Variants in TM2D3 observed in about 807,000 individuals in gnomAD.
The protein encoded by TM2D3 is TM2 domain-containing protein 3.
Under a neutral mutation model 27.3 loss-of-function variants are expected in TM2D3, and 33 were observed. The ratio of observed to expected loss-of-function variants is 1.21; its 90% CI spans 0.92 to 1.61. The LOEUF (loss-of-function observed/expected upper bound fraction) is 1.61, where lower values mean the gene tolerates loss of function less well. TM2D3 is among the 40% of genes most tolerant of loss of function. TM2D3 has a pLI of 0.00. For synonymous variants in TM2D3, 138 were observed against 122.2 expected (o/e 1.13, Z -0.85); for missense variants, 364 against 320.8 (o/e 1.13, Z -1.03).
At chr15:101,638,198 G>A (rs1255994782), downstream of TM2D3, among the ~76,000 whole-genome samples, 2 of 152,024 alleles carry the variant, frequency 1.3e-5, no homozygotes, top group Non-Finnish European at 2.9e-5. Flanking sequence ...TCTCTTCCCA[G>A]CAGCCCTTTT....
Position 101,645,399 on chromosome 15 carries a change from C to T in TM2D3, c.503-237G>A, listed in dbSNP as rs1475912839. On this transcript the variant is annotated intron_variant, in intron 4 of 5. Coordinates refer to ENST00000333202, the MANE Select transcript of TM2D3 (RefSeq NM_078474.3). ...GAAATGCTCACCCACATATCAAGAC[C>T]TACGGGGAAGTTACGAGTATATAAG... 7.5e-6 allele frequency: 4 copies of T among 530,374 alleles called. No individual in the cohort carries two copies. In the Admixed American group the frequency reaches 1.0e-4, roughly 13 times the overall value. The allele number at this position is 530,374 out of a possible 1,614,324, so 32.9% of individuals were successfully genotyped here. A position where few individuals can be genotyped will look rare whatever the true frequency, so the allele number is the denominator to read the frequency against.
chr15:101,645,429 T>C, intron 4 of TM2D3: 1 of 424,316 alleles, frequency 2.4e-6, no homozygotes, highest in Non-Finnish European at 4.2e-6. Context: ...TATAAGACAG[T>C]GTAGTCTTGA....
At chr15:101,651,809 T>C (rs1014242947) in intron 1 of TM2D3, 36 bp from the exon 2 acceptor site, 2 of 1,608,004 alleles carry the variant, frequency 1.2e-6, no homozygotes, top group African/African-American at 1.3e-5. Flanking sequence ...AGAAACACGT[T>C]ATCCCGGGAC....
At chr15:101,640,578 C>T (rs912536899), downstream of TM2D3, among the ~76,000 whole-genome samples, 1 of 152,238 alleles carries the variant, frequency 6.6e-6, no homozygotes, top group Non-Finnish European at 1.5e-5. Context: ...GGATTTGCTA[C>T]AAGAGATTGC....
chr15:101,642,470 A>T lies in TM2D3; in HGVS notation c.*9T>A. The T allele has an allele frequency of 6.3e-7, 1 of 1,599,792 alleles. No homozygotes were observed. Among genetic ancestry groups the T allele is most frequent in the Non-Finnish European group, 8.5e-7 (1 of 1,171,668 alleles). On this transcript the variant is annotated 3_prime_UTR_variant, in exon 6 of 6. Transcript: ENST00000333202. ...TAAGCCCTGCTCCTTTCTGAAGCAC[A>T]CACCACAGCTAAATGTACAAAGAGC...
In TM2D3 at chr15:101,651,739, A is replaced by T. The variant is rs1441813516; in HGVS notation, c.126T>A (p.Asp42Glu). Residue 42 changes from aspartate (D) to glutamate (E), a missense_variant, in exon 2 of 6, where the codon GAT becomes GAA. Physicochemically the swap from Asp to Glu is conservative, Grantham distance 45. Transcript: ENST00000333202. ...CTGTGAATGTGCGTGTTGGGCCCGG[A>T]TCCTTTATTGACTGAGCCAGCGCCT... ...QSQALAQSIK[D>E]PGPTRTFTVV... 6.2e-6 allele frequency: 10 copies of T among 1,614,162 alleles called. No homozygotes were observed. The highest frequency in any genetic ancestry group is 4.4e-5 in the South Asian group (4 of 91,080).
downstream of TM2D3, among the ~76,000 whole-genome samples, chr15:101,637,311 G>A (rs1896572236): frequency 6.6e-6 from 1 of 152,168 alleles, no homozygotes; most frequent in African/African-American, 2.4e-5. Context: ...AGAATAGATT[G>A]GAAATGTTTC....
chr15:101,647,468 TGCTCCTACCACCA>T (rs1350339725), intron 3 of TM2D3, among the ~76,000 whole-genome samples: 1 of 152,220 alleles, frequency 6.6e-6, no homozygotes, highest in Non-Finnish European at 1.5e-5. Context: ...TTGTTACAGC[TGCTCCTACCACCA>T]GGGCATGTGG....
At position 101,646,747 on chromosome 15, in the gene TM2D3, C is replaced by T. The variant is rs1405449690; in HGVS notation, c.480G>A (p.Val160=). The change falls in exon 4 of 6, where the codon GTG becomes GTA. Residue 160 remains valine (V), a synonymous_variant. Coordinates refer to ENST00000333202, the MANE Select transcript of TM2D3 (RefSeq NM_078474.3). The part of the protein sequence containing the change: ...PRQRYPANCT[V]RDHVHCLGNR... ...TACCCAAGCAGTGGACGTGGTCCCG[C>T]ACCGTGCAGTTGGCAGGGTAGCGCT... 10 of 1,614,040 alleles carry T rather than the reference C, an allele frequency of 6.2e-6. No homozygotes were observed. The highest frequency in any genetic ancestry group is 2.7e-5 in the African/African-American group (2 of 74,924).
At chr15:101,648,841 GCA>G (rs1896890301) in intron 3 of TM2D3, among the ~76,000 whole-genome samples, 2 of 151,914 alleles carry the variant, frequency 1.3e-5, no homozygotes, top group South Asian at 2.1e-4. Flanking sequence ...TAAAAAATAA[GCA>G]CACTTATCTG....
Position 101,645,082 on chromosome 15 carries a change from C to T in TM2D3, c.578+5G>A. On this transcript the variant is annotated splice_donor_5th_base_variant and intron_variant, in intron 5 of 5. Transcript: ENST00000333202. Reference sequence around the variant, plus strand: ...CCTTTTACACTTACGAGTAACAAGGCTTACCTTAGAGCCAGAGCCGTAGAC... The same window carrying T: ...CCTTTTACACTTACGAGTAACAAGGTTTACCTTAGAGCCAGAGCCGTAGAC... 6.2e-7 allele frequency: 1 copy of T among 1,611,978 alleles called. No individual in the cohort carries two copies. The highest frequency in any genetic ancestry group is 8.5e-7 in the Non-Finnish European group (1 of 1,179,238).
intron 2 of TM2D3, chr15:101,651,042 C>T (rs373142576): frequency 1.3e-5 from 2 of 152,464 alleles, no homozygotes; most frequent in Non-Finnish European, 2.9e-5. Context: ...AGAGCCTCCA[C>T]CTAGCAAAAC....
intron 5 of TM2D3, among the ~76,000 whole-genome samples, chr15:101,642,981 C>CAGG (rs1896707246): frequency 6.6e-6 from 1 of 152,106 alleles, no homozygotes; most frequent in South Asian, 2.1e-4. Flanking sequence ...GGGCTGGAGT[C>CAGG]AGGAGGAGCT....
intron 4 of TM2D3, chr15:101,635,787 T>C (rs1567308109): frequency 6.6e-6 from 1 of 152,190 alleles, no homozygotes; most frequent in Non-Finnish European, 1.5e-5. Flanking sequence ...GAAATACGCT[T>C]AAGTGTTCTA....
At chr15:101,639,703 C>T (rs1596260506), downstream of TM2D3, among the ~76,000 whole-genome samples, 1 of 152,270 alleles carries the variant, frequency 6.6e-6, no homozygotes, top group African/African-American at 2.4e-5. Context: ...TGTTCCTCAG[C>T]AATTTGCAGA....
intron 3 of TM2D3, among the ~76,000 whole-genome samples, chr15:101,649,149 C>T (rs1464916352): frequency 6.6e-6 from 1 of 152,192 alleles, no homozygotes; most frequent in Non-Finnish European, 1.5e-5. Flanking sequence ...TTCCTATGAA[C>T]CATCTGCTCA....
intron 3 of TM2D3, among the ~76,000 whole-genome samples, 171 bp from the exon 4 acceptor site, chr15:101,647,070 C>G (rs1026180713): frequency 6.6e-6 from 1 of 152,064 alleles, no homozygotes; most frequent in Non-Finnish European, 1.5e-5. Context: ...AAACAAATGC[C>G]TATGATGTGA....
chr15:101,643,809 T>C (rs549434766), intron 5 of TM2D3, among the ~76,000 whole-genome samples: 1 of 152,234 alleles, frequency 6.6e-6, no homozygotes, highest in South Asian at 2.1e-4. Flanking sequence ...ATTTATTTTT[T>C]TAAAAAGCCA....
chr15:101,640,063 G>A (rs1896632979), downstream of TM2D3, among the ~76,000 whole-genome samples: 1 of 152,218 alleles, frequency 6.6e-6, no homozygotes, highest in East Asian at 1.9e-4. Flanking sequence ...ACTATCAATA[G>A]AGGATGGTTG....
Sources: allele counts gnomAD v4.1 joint callset (sites outside exome capture counted in the v4.1 genomes callset), GRCh38; gene constraint gnomAD v4.1.1; transcripts MANE v1.5; gene names NCBI Gene and HGNC (gene_info 2026-07-23, HGNC 2026-07-21).